The following NRG1 variants were observed in gnomAD, a reference collection of about 807,000 sequenced individuals.
The protein encoded by NRG1 is neuregulin 1.
In NRG1, 18 loss-of-function variants were observed where a neutral mutation model predicts 63.8. That is an observed-to-expected ratio of 0.28 (90% CI 0.19 to 0.42). The LOEUF is 0.42. NRG1 is among the 10% of genes least tolerant of loss of function. The pLI is 1.00. For synonymous variants in NRG1, 302 were observed against 301.3 expected, an observed-to-expected ratio of 1.00 and a Z score of -0.02; for missense variants, 762 against 814.7, an observed-to-expected ratio of 0.94 and a Z score of 0.79.
rs71539999 is a variant in NRG1 at position 31,958,080 on chromosome 8, TAGAC to T, written c.37+318657_37+318660del. Among the ~76,000 whole-genome samples the T allele has an allele frequency of 1.1e-3, 165 of 151,788 alleles. 2 individuals are homozygous for T. The East Asian group carries it at 0.016, about 14-fold the overall frequency. On this transcript the variant is annotated intron_variant, in intron 1 of 10. Coordinates refer to the NRG1 transcript ENST00000519301. ...ATAGATAGATAGATAGATAGATAGA[TAGAC>T]AGACAGATAGATAGGCAGAGATGTT... is the stretch of plus-strand genomic sequence containing the variant.
chr8:32,599,527 C>T (rs985136040), intron 2 of NRG1, among the ~76,000 whole-genome samples: 2 of 152,168 alleles, frequency 1.3e-5, no homozygotes, highest in South Asian at 2.1e-4. Context: ...TACATTCCTA[C>T]GTGTTCTTTG....
intron 1 of NRG1, among the ~76,000 whole-genome samples, chr8:32,196,271 C>T (rs1842943382): frequency 6.6e-6 from 1 of 151,976 alleles, no homozygotes; most frequent in African/African-American, 2.4e-5. Flanking sequence ...GATCCCTGGT[C>T]TGGGGAGGTC....
At chr8:32,344,602 ATTT>A (rs61448713) in intron 1 of NRG1, among the ~76,000 whole-genome samples, 216 of 101,146 alleles carry the variant, frequency 2.1e-3, no homozygotes, top group South Asian at 6.7e-3. Flanking sequence ...ACACTCAGCT[ATTT>A]TTTTTTTTTT....
Position 31,640,718 on chromosome 8 carries a change from G to A in NRG1, c.37+1287G>A. ...AAGAAGGAGGTCAGCCGGGTGCTGT[G>A]CAAGCGGTGCGGTAAGTTCCTCGCC... On this transcript the variant is annotated intron_variant, in intron 1 of 10. Transcript: ENST00000519301. This position sits in a 1 kb window ranked among gnomAD's most constrained non-coding sequence, Gnocchi z 6.3. The A allele has an allele frequency of 6.3e-7, 1 of 1,590,118 alleles. No homozygotes were observed. Among genetic ancestry groups the A allele is most frequent in the African/African-American group, 1.4e-5 (1 of 73,744 alleles).
chr8:32,258,459 T>G (rs1214516653), intron 1 of NRG1, among the ~76,000 whole-genome samples: 1 of 152,214 alleles, frequency 6.6e-6, no homozygotes, highest in Non-Finnish European at 1.5e-5. Context: ...GCTTCTGTAT[T>G]AGTCCATTTT....
chr8:32,754,438 T>C, exon 8 of NRG1: 1 of 1,613,876 alleles, frequency 6.2e-7, no homozygotes, highest in Non-Finnish European at 8.5e-7. Flanking sequence ...CTCCTTGTGG[T>C]CGGCATCATG....
At chr8:32,668,536 C>T (rs1283462542) in intron 5 of NRG1, among the ~76,000 whole-genome samples, 2 of 152,154 alleles carry the variant, frequency 1.3e-5, no homozygotes, top group African/African-American at 4.8e-5. Flanking sequence ...CTAGTTTCAC[C>T]ACACAGCTGT....
At chr8:31,824,176 C>A (rs1410178251) in intron 1 of NRG1, among the ~76,000 whole-genome samples, 1 of 109,836 alleles carries the variant, frequency 9.1e-6, no homozygotes, top group Non-Finnish European at 1.8e-5. Flanking sequence ...CCTCCCCCCT[C>A]CCCCCACCCC....
intron 5 of NRG1, among the ~76,000 whole-genome samples, chr8:32,718,875 G>A (rs896603081): frequency 9.9e-5 from 15 of 152,108 alleles, no homozygotes; most frequent in Admixed American, 9.8e-4. Flanking sequence ...TGTTGCTGCT[G>A]TGAATATGAT....
At chr8:32,201,785 T>C (rs1023535227) in intron 1 of NRG1, among the ~76,000 whole-genome samples, 3 of 152,206 alleles carry the variant, frequency 2.0e-5, no homozygotes, top group African/African-American at 7.2e-5. Context: ...TACGTCAAAC[T>C]CAACTGCATA....
chr8:31,860,002 C>T (rs1014149125), intron 1 of NRG1, among the ~76,000 whole-genome samples: 2 of 152,198 alleles, frequency 1.3e-5, no homozygotes, highest in Non-Finnish European at 1.5e-5. Context: ...AACAAAGTAT[C>T]CAGCTAGGCT....
rs966917471 is a variant in NRG1, at chr8:32,214,331, A to G, written c.38-381497A>G. ...ATATCTTTATATATATTTAAACCAT[A>G]GTTTTCAACAAAGTTGGAAACAAGA... is the stretch of plus-strand genomic sequence containing the variant. On this transcript the variant is annotated intron_variant, in intron 1 of 10. Transcript: ENST00000519301. Among the ~76,000 whole-genome samples, 27 of 152,330 alleles carry G rather than the reference A, an allele frequency of 1.8e-4. 2 individuals carry two copies. The highest frequency in any genetic ancestry group is 6.3e-4 in the African/African-American group (26 of 41,584).
intron 1 of NRG1, among the ~76,000 whole-genome samples, chr8:31,696,828 T>C (rs761497890): frequency 6.6e-6 from 1 of 152,202 alleles, no homozygotes; most frequent in South Asian, 2.1e-4. Context: ...CCTTTCATTA[T>C]TCTACACTGC....
intron 1 of NRG1, among the ~76,000 whole-genome samples, chr8:31,695,848 A>C (rs1810007195): frequency 2.2e-5 from 1 of 46,200 alleles, no homozygotes; most frequent in Non-Finnish European, 4.9e-5. Context: ...AAGAAGAATA[A>C]CATAATAATC....
chr8:31,683,157 G>A (rs936984927), intron 1 of NRG1, among the ~76,000 whole-genome samples: 1 of 152,106 alleles, frequency 6.6e-6, no homozygotes, highest in African/African-American at 2.4e-5. Flanking sequence ...ACAAAATGAA[G>A]CGTTCTCTTA....
At chr8:32,693,622 A>AG (rs1427025775) in intron 5 of NRG1, among the ~76,000 whole-genome samples, 2 of 151,944 alleles carry the variant, frequency 1.3e-5, no homozygotes, top group East Asian at 3.9e-4. Flanking sequence ...TGTAGAACAG[A>AG]GGCTCCTCCT....
intron 1 of NRG1, among the ~76,000 whole-genome samples, chr8:32,342,099 C>A (rs546876718): frequency 6.6e-6 from 1 of 152,132 alleles, no homozygotes; most frequent in Non-Finnish European, 1.5e-5. Flanking sequence ...CTGTGTCAGT[C>A]AAGTCTGTCT....
At chr8:32,702,165 A>G (rs1240145854) in intron 5 of NRG1, among the ~76,000 whole-genome samples, 1 of 152,182 alleles carries the variant, frequency 6.6e-6, no homozygotes, top group Non-Finnish European at 1.5e-5. Context: ...TAGGAAATGG[A>G]TGTTTTAGGG....
chr8:31,904,933 G>A (rs1832397332), intron 1 of NRG1, among the ~76,000 whole-genome samples: 1 of 152,024 alleles, frequency 6.6e-6, no homozygotes, highest in African/African-American at 2.4e-5. Context: ...TATCAACTGG[G>A]TGATGAAATA....
Sources: gnomAD v4.1 joint callset for allele counts (sites outside exome capture counted in the v4.1 genomes callset) on GRCh38, gnomAD v4.1.1 for gene constraint, Gnocchi (gnomAD v3.1) non-coding constraint, MANE v1.5 for transcripts, NCBI Gene and HGNC (gene_info 2026-07-23, HGNC 2026-07-21) for gene names.